PRR23E: variants seen among roughly 807,000 people sequenced by gnomAD.
PRR23E encodes proline-rich protein 23E.
chr3:127,196,080 A>G, the PRR23E span, among the ~76,000 whole-genome samples: 1 of 152,170 alleles, frequency 6.6e-6, no homozygotes, highest in South Asian at 2.1e-4. Flanking sequence ...CCTTGTGTTC[A>G]GACACTGCAT....
the PRR23E span, among the ~76,000 whole-genome samples, chr3:127,193,818 A>G: frequency 6.6e-6 from 1 of 152,248 alleles, no homozygotes; most frequent in Non-Finnish European, 1.5e-5. Flanking sequence ...TATCAAATTA[A>G]TTGTAAAAAT....
the PRR23E span, chr3:127,196,532 T>G: frequency 2.0e-6 from 2 of 999,876 alleles, no homozygotes; most frequent in Non-Finnish European, 2.8e-6. Flanking sequence ...CCTCCTCCCA[T>G]CCCCTCCTGT....
chr3:127,197,233 G>C, the PRR23E span: 2 of 1,599,042 alleles, frequency 1.3e-6, no homozygotes, highest in Non-Finnish European at 1.7e-6. Context: ...TTGAAGACAT[G>C]CAAAGCCCCT....
chr3:127,195,169 G>C, the PRR23E span, among the ~76,000 whole-genome samples: 2 of 152,148 alleles, frequency 1.3e-5, no homozygotes, highest in African/African-American at 4.8e-5. Context: ...GACCCACTCA[G>C]CCCACACACA....
chr3:127,194,467 G>A, the PRR23E span, among the ~76,000 whole-genome samples: 10 of 152,218 alleles, frequency 6.6e-5, no homozygotes, highest in South Asian at 2.1e-4. Flanking sequence ...AAGGATACGC[G>A]TATCACAGGC....
At chr3:127,193,527 G>A in the PRR23E span, among the ~76,000 whole-genome samples, 1 of 151,862 alleles carries the variant, frequency 6.6e-6, no homozygotes, top group Admixed American at 6.6e-5. Flanking sequence ...TCCCCTAAAA[G>A]CCAAGCCCAG....
the PRR23E span, chr3:127,196,554 T>C: frequency 7.2e-7 from 1 of 1,396,620 alleles, no homozygotes; most frequent in Admixed American, 2.8e-5. Context: ...CGACCTGGTC[T>C]CCCTGCCCTC....
At chr3:127,197,291 C>A in the PRR23E span, 1 of 1,599,408 alleles carries the variant, frequency 6.3e-7, no homozygotes, top group Non-Finnish European at 8.5e-7. Context: ...CTTTGCCCTG[C>A]TGCAGTTCAG....
the PRR23E span, chr3:127,197,871 C>A: frequency 1.3e-5 from 2 of 153,478 alleles, no homozygotes; most frequent in Non-Finnish European, 2.9e-5. Context: ...CCCTGGCCAC[C>A]CTGTGGGGCC....
the PRR23E span, among the ~76,000 whole-genome samples, chr3:127,195,733 C>T: frequency 3.9e-5 from 6 of 152,182 alleles, no homozygotes; most frequent in African/African-American, 1.4e-4. Context: ...AGCCTCCGCT[C>T]CTTGATGCTG....
chr3:127,193,566 C>T, the PRR23E span, among the ~76,000 whole-genome samples: 1 of 152,148 alleles, frequency 6.6e-6, no homozygotes, highest in Non-Finnish European at 1.5e-5. Flanking sequence ...CTCGCAGAAT[C>T]ATCCCTCCAC....
the PRR23E span, chr3:127,197,899 G>T: frequency 6.5e-6 from 1 of 152,798 alleles, no homozygotes; most frequent in Non-Finnish European, 1.5e-5. Context: ...GTCTCTTCCA[G>T]CATTGGTGTG....
chr3:127,198,084 C>T, the PRR23E span: 2 of 152,302 alleles, frequency 1.3e-5, no homozygotes, highest in African/African-American at 2.4e-5. Context: ...GTGCTCTTCT[C>T]ACTCCTCACC....
At chr3:127,196,376 G>C in the PRR23E span, among the ~76,000 whole-genome samples, 2 of 152,088 alleles carry the variant, frequency 1.3e-5, no homozygotes, top group African/African-American at 2.4e-5. Context: ...AACTTGTTTT[G>C]ATGTCCCTAG....
At chr3:127,193,880 C>T in the PRR23E span, among the ~76,000 whole-genome samples, 1,019 of 152,254 alleles carry the variant, frequency 6.7e-3, 6 homozygotes, top group African/African-American at 0.023. Context: ...TGAAGTGGAA[C>T]ATTTTTACAT....
At chr3:127,196,817 T>C in the PRR23E span, 19 of 1,598,678 alleles carry the variant, frequency 1.2e-5, no homozygotes, top group East Asian at 2.2e-5. Context: ...ATGGTTCCTG[T>C]ACCTGCTTGG....
the PRR23E span, among the ~76,000 whole-genome samples, chr3:127,193,868 G>A: frequency 6.6e-6 from 1 of 152,270 alleles, no homozygotes; most frequent in African/African-American, 2.4e-5. Context: ...TTAAAAACAT[G>A]GTGAAGTGGA....
chr3:127,196,749 G>A, the PRR23E span: 87 of 1,595,688 alleles, frequency 5.5e-5, no homozygotes, highest in African/African-American at 7.3e-4. Context: ...CGAGGCCTCC[G>A]AGGAAGCCCA....
the PRR23E span, chr3:127,197,277 G>T: frequency 7.5e-6 from 12 of 1,599,252 alleles, 1 homozygote; most frequent in South Asian, 1.1e-5. Flanking sequence ...CGGTATTTGG[G>T]CACCTTTGCC....
Sources: gnomAD v4.1 joint callset for allele counts (sites outside exome capture counted in the v4.1 genomes callset) on GRCh38, gnomAD v4.1.1 for gene constraint, MANE v1.5 for transcripts, NCBI Gene and HGNC (gene_info 2026-07-23, HGNC 2026-07-21) for gene names.